MYT1L: variants seen among roughly 807,000 people sequenced by gnomAD.
MYT1L encodes the protein myelin transcription factor 1-like protein.
MYT1L carries 12 observed loss-of-function variants against 126.7 expected under a neutral mutation model. The observed-to-expected ratio is 0.09, with a 90% CI of 0.06 to 0.15. The LOEUF (loss-of-function observed/expected upper bound fraction) is 0.15, where lower values mean the gene tolerates loss of function less well. Ranked by LOEUF, MYT1L falls within the 10% of genes least tolerant of loss-of-function variation. The probability of loss-of-function intolerance (pLI) is 1.00; values close to 1 mark genes in which losing one functional copy is unlikely to be tolerated. For synonymous variants in MYT1L, 541 were observed against 604.2 expected, an observed-to-expected ratio of 0.90 and a Z score of 1.53; for missense variants, 979 against 1,585.2, an observed-to-expected ratio of 0.62 and a Z score of 6.49.
At chr2:1,856,203 T>C (rs1572905645) in intron 18 of MYT1L, among the ~76,000 whole-genome samples, 1 of 152,212 alleles carries the variant, frequency 6.6e-6, no homozygotes, top group South Asian at 2.1e-4. Flanking sequence ...GAAACATCTG[T>C]TCCTGTTGCT....
At chr2:2,095,408 G>C (rs1329945178) in intron 3 of MYT1L, among the ~76,000 whole-genome samples, 1 of 152,150 alleles carries the variant, frequency 6.6e-6, no homozygotes, top group Non-Finnish European at 1.5e-5. Context: ...TATGAAAAGG[G>C]TCATGTAGGC....
rs2149488502 is a variant in MYT1L, at chr2:1,979,125, T to C, written c.152+40A>G. The C allele has an allele frequency of 6.4e-7, 1 of 1,566,486 alleles. No individual in the cohort carries two copies. Among genetic ancestry groups the C allele is most frequent in the Non-Finnish European group, 8.7e-7 (1 of 1,144,950 alleles). ...AGGACTGGGTCCCCAAATAAGTCAC[T>C]TTAGACAGCACATTGTGGAAAAAAA... On this transcript the variant is annotated intron_variant, in intron 8 of 24. Transcript: ENST00000647738. The surrounding 1 kb of genome is among the most constrained non-coding windows in gnomAD (Gnocchi z 4.0).
At chr2:2,004,227 G>GTTCTTTCCTGCAGGCA (rs1558697261) in intron 4 of MYT1L, among the ~76,000 whole-genome samples, 60 of 123,324 alleles carry the variant, frequency 4.9e-4, no homozygotes, top group Non-Finnish European at 8.9e-4. Context: ...TCCTGCAGGC[G>GTTCTTTCCTGCAGGCA]TTCTTTCCTG....
At position 1,922,162 on chromosome 2, in the gene MYT1L, C is replaced by T. The variant is rs532968435; in HGVS notation, c.1483+124G>A. ...TCACAAAATATCCTTCTGGAATCAACTCTAAGAATGTGCAGTAGAGACATA... is the reference window on the plus strand; with the variant it reads ...TCACAAAATATCCTTCTGGAATCAATTCTAAGAATGTGCAGTAGAGACATA... On this transcript the variant is annotated intron_variant, in intron 10 of 24. Coordinates refer to ENST00000647738, the MANE Select transcript of MYT1L (RefSeq NM_001303052.2). The surrounding 1 kb of genome is among the most constrained non-coding windows in gnomAD (Gnocchi z 7.4). The T allele has an allele frequency of 5.9e-5, 75 of 1,270,522 alleles. No individual in the cohort carries two copies. In the South Asian group the frequency reaches 1.1e-3, roughly 18 times the overall value. The allele number at this position is 1,270,522 out of a possible 1,614,324, so 78.7% of individuals were successfully genotyped here.
intron 5 of MYT1L, among the ~76,000 whole-genome samples, chr2:1,993,310 G>T (rs2061584931): frequency 6.6e-6 from 1 of 152,166 alleles, no homozygotes; most frequent in African/African-American, 2.4e-5. Flanking sequence ...TGGGGATTGG[G>T]CAGCCGCTGC....
chr2:2,078,322 G>C (rs2075437831), intron 3 of MYT1L, among the ~76,000 whole-genome samples: 1 of 152,096 alleles, frequency 6.6e-6, no homozygotes, highest in Admixed American at 6.5e-5. Flanking sequence ...ATAACTGTAG[G>C]TGTAAAATTA....
chr2:2,219,831 A>C (rs1223901619), intron 2 of MYT1L, among the ~76,000 whole-genome samples: 2 of 152,038 alleles, frequency 1.3e-5, no homozygotes, highest in Non-Finnish European at 2.9e-5. Context: ...CTCTTATGGC[A>C]GAACTGCTGG....
intron 21 of MYT1L, among the ~76,000 whole-genome samples, chr2:1,830,041 G>A (rs905063123): frequency 2.0e-5 from 3 of 152,192 alleles, no homozygotes; most frequent in South Asian, 2.1e-4. Flanking sequence ...AGGAACAAAG[G>A]TCCCCACGCA....
chr2:2,074,080 T>C (rs528363162), intron 3 of MYT1L, among the ~76,000 whole-genome samples: 41 of 152,358 alleles, frequency 2.7e-4, no homozygotes, highest in African/African-American at 9.4e-4. Flanking sequence ...GCTGGCTCTA[T>C]TGAAAATGTT....
chr2:2,238,157 G>A (rs978654459), intron 2 of MYT1L, among the ~76,000 whole-genome samples: 1 of 152,136 alleles, frequency 6.6e-6, no homozygotes, highest in Non-Finnish European at 1.5e-5. Flanking sequence ...TGGGGTCAGG[G>A]GGTGGTGGGG....
chr2:1,899,662 T>C (rs2050080090), intron 14 of MYT1L, among the ~76,000 whole-genome samples: 1 of 152,256 alleles, frequency 6.6e-6, no homozygotes, highest in Non-Finnish European at 1.5e-5. Flanking sequence ...TCCTGTGTGT[T>C]TCCCTACTTT....
intron 2 of MYT1L, among the ~76,000 whole-genome samples, chr2:2,275,485 G>A (rs1258016331): frequency 6.6e-6 from 1 of 152,060 alleles, no homozygotes; most frequent in African/African-American, 2.4e-5. Context: ...CCCCAGTTGG[G>A]CGATTTGGAT....
In MYT1L at chr2:1,806,405, G is replaced by A. The variant is rs2147960106; in HGVS notation, c.3172+2671C>T. 6.6e-6 allele frequency among the ~76,000 whole-genome samples: 1 copy of A among 152,304 alleles called. No homozygotes were observed. Among genetic ancestry groups the A allele is most frequent in the East Asian group, 1.9e-4 (1 of 5,170 alleles). On this transcript the variant is annotated intron_variant, in intron 22 of 24. Coordinates refer to ENST00000647738, the MANE Select transcript of MYT1L (RefSeq NM_001303052.2). The surrounding 1 kb of genome is among the most constrained non-coding windows in gnomAD (Gnocchi z 4.9). ...TGTCTAGAAACTTGGGTGAAATGCA[G>A]CGACCTGGCTGAAGGCTGCCCAGCA...
chr2:1,795,657 T>G (rs1174193867), intron 23 of MYT1L: 1 of 152,248 alleles, frequency 6.6e-6, no homozygotes, highest in African/African-American at 2.4e-5. Flanking sequence ...TCATCAATGA[T>G]GTGCGCTGGC....
intron 8 of MYT1L, among the ~76,000 whole-genome samples, chr2:1,976,391 C>T (rs546377657): frequency 7.7e-4 from 117 of 152,322 alleles, no homozygotes; most frequent in African/African-American, 2.6e-3. Flanking sequence ...CCTATAATCC[C>T]AGTACTTTGG....
At chr2:2,065,848 G>GCA (rs10678486) in intron 3 of MYT1L, among the ~76,000 whole-genome samples, 12,780 of 135,252 alleles carry the variant, frequency 0.094, 1,539 homozygotes, top group African/African-American at 0.3. Context: ...ACACACACAC[G>GCA]CACACACACA....
At chr2:1,954,399 G>A (rs952913315) in intron 8 of MYT1L, among the ~76,000 whole-genome samples, 2 of 152,096 alleles carry the variant, frequency 1.3e-5, no homozygotes, top group Admixed American at 6.6e-5. Context: ...AACACCACAC[G>A]TGCAGTCAGT....
intron 4 of MYT1L, among the ~76,000 whole-genome samples, chr2:2,043,007 C>T (rs1469272459): frequency 6.6e-6 from 1 of 152,162 alleles, no homozygotes; most frequent in Non-Finnish European, 1.5e-5. Context: ...GACCAGTCTT[C>T]CTCTGTTTCC....
At chr2:2,308,979 C>T (rs1273726286) in intron 1 of MYT1L, among the ~76,000 whole-genome samples, 1 of 151,682 alleles carries the variant, frequency 6.6e-6, no homozygotes, top group Non-Finnish European at 1.5e-5. Context: ...TTATATTCTA[C>T]CTATACTTCA....
Sources: gnomAD v4.1 joint callset for allele counts (sites outside exome capture counted in the v4.1 genomes callset) on GRCh38, gnomAD v4.1.1 for gene constraint, Gnocchi (gnomAD v3.1) non-coding constraint, MANE v1.5 for transcripts, NCBI Gene and HGNC (gene_info 2026-07-23, HGNC 2026-07-21) for gene names.